RB1: variants seen among roughly 807,000 people sequenced by gnomAD.
The protein encoded by RB1 is RB transcriptional corepressor 1, also known as retinoblastoma-associated protein.
In RB1, 18 loss-of-function variants were observed where a neutral mutation model predicts 135.4. The ratio of observed to expected loss-of-function variants is 0.13; its 90% confidence interval spans 0.09 to 0.20. The LOEUF is 0.20. Ranked by LOEUF, RB1 falls within the 10% of genes least tolerant of loss-of-function variation. The pLI is 1.00. For missense variants in RB1, 868 were observed against 1,110.0 expected (o/e 0.78, Z 3.10); for synonymous variants, 365 against 373.2 (o/e 0.98, Z 0.25).
intron 17 of RB1, among the ~76,000 whole-genome samples, chr13:48,403,467 G>T (rs998222744): frequency 2.0e-5 from 3 of 152,048 alleles, no homozygotes; most frequent in Non-Finnish European, 4.4e-5. Flanking sequence ...TGAGTGTATT[G>T]TGGATACAAT....
At chr13:48,459,951 T>TCCTTCC (rs1555294182) in intron 20 of RB1, 118 bp downstream of exon 20, 1 of 397,932 alleles carries the variant, frequency 2.5e-6, no homozygotes. Context: ...CTTTCTTTCT[T>TCCTTCC]TTTCTTTCTT....
At chr13:48,318,052 T>C (rs1030914691) in intron 2 of RB1, 14 of 528,778 alleles carry the variant, frequency 2.6e-5, no homozygotes, top group Non-Finnish European at 3.9e-5. Context: ...GGCCCTGGCA[T>C]TCCCTGGGGA....
chr13:48,313,645 A>G (rs984677955), intron 2 of RB1, among the ~76,000 whole-genome samples: 5 of 149,462 alleles, frequency 3.3e-5, no homozygotes, highest in Non-Finnish European at 7.4e-5. Flanking sequence ...TTCTTTCTTC[A>G]TTGAATTGTT....
At position 48,328,346 on chromosome 13, in the gene RB1, A is replaced by G; in HGVS notation, c.265-14253A>G. On this transcript the variant is annotated intron_variant, in intron 2 of 26. Coordinates refer to ENST00000267163, the MANE Select transcript of RB1 (RefSeq NM_000321.3). Reference sequence around the variant, plus strand: ...CAGTTTCTTTAGGCTTACTTGATCCAAGTTTGATGGATATGGGTGATGCTT... The same window carrying G: ...CAGTTTCTTTAGGCTTACTTGATCCGAGTTTGATGGATATGGGTGATGCTT... The G allele has an allele frequency of 3.2e-6, 5 of 1,563,748 alleles. No homozygotes were observed. In the Middle Eastern group the frequency reaches 5.2e-4, roughly 163 times the overall value.
intron 2 of RB1, among the ~76,000 whole-genome samples, chr13:48,312,613 C>T (rs1352938874): frequency 1.3e-5 from 2 of 152,178 alleles, no homozygotes; most frequent in African/African-American, 2.4e-5. Context: ...ATACCAGACT[C>T]CTTCTATTTT....
intron 2 of RB1, among the ~76,000 whole-genome samples, chr13:48,327,619 A>C (rs1952299145): frequency 6.6e-6 from 1 of 152,244 alleles, no homozygotes; most frequent in African/African-American, 2.4e-5. Context: ...ACTTTCAGTC[A>C]ATAGTTCAGT....
chr13:48,312,501 G>A (rs1405425957), intron 2 of RB1, among the ~76,000 whole-genome samples: 3 of 152,172 alleles, frequency 2.0e-5, no homozygotes, highest in South Asian at 2.1e-4. Context: ...ACTCTTTGCA[G>A]CTTTCTGCAT....
chr13:48,475,266 C>T (rs1192180323), intron 24 of RB1, among the ~76,000 whole-genome samples: 1 of 152,188 alleles, frequency 6.6e-6, no homozygotes, highest in Non-Finnish European at 1.5e-5. Flanking sequence ...AAAACAAACG[C>T]TTATTATCTC....
intron 11 of RB1, among the ~76,000 whole-genome samples, chr13:48,373,113 A>C (rs569488847): frequency 6.2e-4 from 95 of 152,300 alleles, no homozygotes; most frequent in African/African-American, 2.3e-3. Context: ...TTGCCAGTTT[A>C]TATAGTTTCT....
intron 17 of RB1, among the ~76,000 whole-genome samples, chr13:48,422,201 G>A (rs571019543): frequency 6.6e-6 from 1 of 152,274 alleles, no homozygotes; most frequent in African/African-American, 2.4e-5. Context: ...ACAAGGATGA[G>A]TTCATGTCCT....
chr13:48,416,444 G>C (rs962165566), intron 17 of RB1: 1 of 152,446 alleles, frequency 6.6e-6, no homozygotes, highest in African/African-American at 2.4e-5. Context: ...CCTTAGACCA[G>C]GCAATTCCCT....
intron 2 of RB1, among the ~76,000 whole-genome samples, chr13:48,327,234 T>G (rs1243735934): frequency 1.3e-5 from 2 of 152,122 alleles, no homozygotes; most frequent in Non-Finnish European, 2.9e-5. Flanking sequence ...AGCCAAATAC[T>G]TAAGCAATAT....
At chr13:48,318,420 C>T in intron 2 of RB1, 2 of 1,494,288 alleles carry the variant, frequency 1.3e-6, no homozygotes, top group African/African-American at 1.4e-5. Context: ...GTCCTCGTCA[C>T]TGTCCAGGGA....
At chr13:48,332,357 C>A (rs1293818004) in intron 2 of RB1, among the ~76,000 whole-genome samples, 1 of 152,124 alleles carries the variant, frequency 6.6e-6, no homozygotes. Context: ...TTGCTTTAGG[C>A]CAGAGTTAGA....
chr13:48,434,167 C>A (rs967133662), intron 17 of RB1, among the ~76,000 whole-genome samples: 2 of 151,802 alleles, frequency 1.3e-5, no homozygotes, highest in Non-Finnish European at 2.9e-5. Context: ...CTTCAATGAG[C>A]CAGGCCTGGT....
intron 17 of RB1, among the ~76,000 whole-genome samples, chr13:48,433,707 G>A (rs1815614736): frequency 6.8e-6 from 1 of 146,280 alleles, no homozygotes; most frequent in Non-Finnish European, 1.5e-5. Context: ...CCTTTAGTAG[G>A]TATGCATTGT....
intron 25 of RB1, among the ~76,000 whole-genome samples, 200 bp from the exon 26 acceptor site, chr13:48,477,155 G>A (rs920643388): frequency 1.3e-5 from 2 of 152,030 alleles, no homozygotes; most frequent in Non-Finnish European, 2.9e-5. Flanking sequence ...TGTATTTTGT[G>A]AGAACCACTG....
chr13:48,330,341 T>C (rs539105312), intron 2 of RB1, among the ~76,000 whole-genome samples: 27 of 151,490 alleles, frequency 1.8e-4, no homozygotes, highest in Non-Finnish European at 3.8e-4. Flanking sequence ...CAGAAATAAA[T>C]GAAAGACTCA....
chr13:48,325,927 T>C (rs1952283489), intron 2 of RB1, among the ~76,000 whole-genome samples: 1 of 152,178 alleles, frequency 6.6e-6, no homozygotes, highest in African/African-American at 2.4e-5. Flanking sequence ...ATGAAGTCTT[T>C]GCTCATAGAA....
Sources: allele counts gnomAD v4.1 joint callset (sites outside exome capture counted in the v4.1 genomes callset), GRCh38; gene constraint gnomAD v4.1.1; transcripts MANE v1.5; gene names NCBI Gene and HGNC (gene_info 2026-07-23, HGNC 2026-07-21).